Variants in OPA1 observed in about 807,000 individuals in gnomAD.
The protein encoded by OPA1 is dynamin-like GTPase OPA1, mitochondrial.
Under a neutral mutation model 152.9 loss-of-function variants are expected in OPA1, and 59 were observed. That is an observed-to-expected ratio of 0.39 (90% CI 0.31 to 0.48). OPA1 has a LOEUF of 0.48. OPA1 is among the 20% of genes least tolerant of loss of function. OPA1 has a pLI of 0.96. For missense variants in OPA1, 1,008 were observed against 1,216.8 expected, an observed-to-expected ratio of 0.83 and a Z score of 2.55; for synonymous variants, 400 against 389.9, an observed-to-expected ratio of 1.03 and a Z score of -0.31.
At chr3:193,667,425 C>T (rs746427478) in intron 29 of OPA1, 145 bp downstream of exon 29, 20 of 688,078 alleles carry the variant, frequency 2.9e-5, no homozygotes, top group Non-Finnish European at 4.9e-5. Flanking sequence ...AATCCCAGCA[C>T]TTTGGGAGGC....
chr3:193,595,510 G>A (rs1725345588), intron 1 of OPA1, among the ~76,000 whole-genome samples: 1 of 152,182 alleles, frequency 6.6e-6, no homozygotes. Context: ...CTTTAGAACT[G>A]TAAAGGCATT....
At chr3:193,693,586 G>A (rs926327061) in intron 30 of OPA1, among the ~76,000 whole-genome samples, 1 of 152,180 alleles carries the variant, frequency 6.6e-6, no homozygotes, top group Non-Finnish European at 1.5e-5. Context: ...GTTGCAGTAA[G>A]CAGAAATCGT....
At chr3:193,658,744 C>A in intron 23 of OPA1, 143 bp from the exon 24 acceptor site, 1 of 646,820 alleles carries the variant, frequency 1.5e-6, no homozygotes, top group Middle Eastern at 4.1e-4. Flanking sequence ...GAAGCTTATG[C>A]ATTTTTATAG....
At chr3:193,665,988 T>G (rs967432663) in intron 27 of OPA1, among the ~76,000 whole-genome samples, 7 of 152,180 alleles carry the variant, frequency 4.6e-5, no homozygotes, top group African/African-American at 1.7e-4. Context: ...AAATGGAGGG[T>G]ATATGCTGTG....
intron 1 of OPA1, among the ~76,000 whole-genome samples, chr3:193,594,671 A>G (rs1165428793): frequency 6.6e-6 from 1 of 152,192 alleles, no homozygotes; most frequent in Non-Finnish European, 1.5e-5. Context: ...TACAACCGTG[A>G]GCCACCGCGC....
intron 7 of OPA1, chr3:193,628,732 C>G (rs1313217633): frequency 6.6e-6 from 1 of 152,012 alleles, no homozygotes; most frequent in African/African-American, 2.4e-5. Context: ...TAAAATATAC[C>G]CCAATTGCTA....
intron 1 of OPA1, among the ~76,000 whole-genome samples, chr3:193,606,270 A>T (rs35491468): frequency 0.022 from 3,376 of 151,748 alleles, 51 homozygotes; most frequent in Non-Finnish European, 0.032. Flanking sequence ...ACTTAAAAAA[A>T]TTTTTTTTTA....
intron 30 of OPA1, among the ~76,000 whole-genome samples, chr3:193,693,809 C>A (rs566916228): frequency 6.6e-6 from 1 of 152,228 alleles, no homozygotes; most frequent in South Asian, 2.1e-4. Flanking sequence ...TACAATATCA[C>A]CCTAATCATG....
At chr3:193,652,488 T>G (rs187725667) in intron 21 of OPA1, among the ~76,000 whole-genome samples, 83 of 152,132 alleles carry the variant, frequency 5.5e-4, no homozygotes, top group African/African-American at 2.0e-3. Context: ...ATGAAGTGGC[T>G]TCACAGTGTA....
At position 193,666,399 on chromosome 3, in the gene OPA1, A is replaced by G. The variant is rs752375767; in HGVS notation, c.2872+10A>G. On this transcript the variant is annotated intron_variant, in intron 28 of 30. Coordinates refer to ENST00000361510, the MANE Select transcript of OPA1 (RefSeq NM_130837.3). ...CTTACAAATACTGAAGGTAAGCCACATAGGGACTGCAGTCTTATTTTGACA... is the reference window on the plus strand; with the variant it reads ...CTTACAAATACTGAAGGTAAGCCACGTAGGGACTGCAGTCTTATTTTGACA... The G allele has an allele frequency of 7.5e-6, 12 of 1,592,934 alleles. No homozygotes were observed. Among genetic ancestry groups the G allele is most frequent in the Non-Finnish European group, 8.6e-6 (10 of 1,160,668 alleles).
intron 29 of OPA1, among the ~76,000 whole-genome samples, chr3:193,684,211 A>G (rs576782535): frequency 6.6e-6 from 1 of 152,322 alleles, no homozygotes; most frequent in African/African-American, 2.4e-5. Flanking sequence ...CATGCGGGCT[A>G]ACATGCGTAG....
At chr3:193,679,295 TAAAG>T (rs999388543) in intron 29 of OPA1, among the ~76,000 whole-genome samples, 10 of 131,516 alleles carry the variant, frequency 7.6e-5, no homozygotes, top group Middle Eastern at 3.6e-3. Context: ...TCAAAACTCA[TAAAG>T]AAAGAGAAAG....
At chr3:193,620,077 A>G (rs1000086859) in intron 6 of OPA1, among the ~76,000 whole-genome samples, 1 of 152,184 alleles carries the variant, frequency 6.6e-6, no homozygotes, top group African/African-American at 2.4e-5. Flanking sequence ...CTGGGGGAAA[A>G]AAAAATAAGT....
intron 1 of OPA1, among the ~76,000 whole-genome samples, chr3:193,599,464 C>T (rs1726134044): frequency 6.7e-6 from 1 of 150,336 alleles, no homozygotes; most frequent in Admixed American, 6.7e-5. Flanking sequence ...TTTATTAAAC[C>T]TCCATCACAC....
At chr3:193,647,308 T>G in intron 19 of OPA1, 128 bp downstream of exon 19, 1 of 684,680 alleles carries the variant, frequency 1.5e-6, no homozygotes, top group Non-Finnish European at 2.6e-6. Context: ...AATTAGACAG[T>G]ATCTGGAAAA....
intron 7 of OPA1, among the ~76,000 whole-genome samples, chr3:193,628,181 T>C (rs2108957727): frequency 6.6e-6 from 1 of 152,220 alleles, no homozygotes; most frequent in Middle Eastern, 3.4e-3. Flanking sequence ...CAAGTACTTT[T>C]TGTTGTTTTT....
At chr3:193,600,837 A>G (rs1281471454) in intron 1 of OPA1, among the ~76,000 whole-genome samples, 1 of 152,212 alleles carries the variant, frequency 6.6e-6, no homozygotes, top group Non-Finnish European at 1.5e-5. Context: ...AGTTGCTCCT[A>G]TAAACATATC....
At position 193,675,499 on chromosome 3, in the gene OPA1, G is replaced by T. The variant is rs191978303; in HGVS notation, c.2983+8219G>T. On this transcript the variant is annotated intron_variant, in intron 29 of 30. Coordinates refer to ENST00000361510, the MANE Select transcript of OPA1 (RefSeq NM_130837.3). Reference sequence around the variant, plus strand: ...TCTCTCCTGGCTTTTAACACATCTCGAGGCAACCTTTTCCCTTTCTTTTTA... The same window carrying T: ...TCTCTCCTGGCTTTTAACACATCTCTAGGCAACCTTTTCCCTTTCTTTTTA... 3.0e-3 allele frequency among the ~76,000 whole-genome samples: 453 copies of T among 151,936 alleles called. 8 individuals are homozygous for T. The highest frequency in any genetic ancestry group is 0.021 in the East Asian group (109 of 5,154).
intron 6 of OPA1, among the ~76,000 whole-genome samples, chr3:193,625,651 T>C (rs1427034428): frequency 1.3e-5 from 2 of 151,810 alleles, no homozygotes; most frequent in South Asian, 2.1e-4. Flanking sequence ...AAATGAAATA[T>C]CAAGAAAAAA....
Sources: gnomAD v4.1 joint callset for allele counts (sites outside exome capture counted in the v4.1 genomes callset) on GRCh38, gnomAD v4.1.1 for gene constraint, MANE v1.5 for transcripts, NCBI Gene and HGNC (gene_info 2026-07-23, HGNC 2026-07-21) for gene names.